Variants in GCN1 observed in about 807,000 individuals in gnomAD.
GCN1 encodes the protein GCN1 activator of EIF2AK4.
GCN1 carries 90 observed loss-of-function variants against 288.4 expected under a neutral mutation model. The observed-to-expected ratio is 0.31, with a 90% CI of 0.26 to 0.37. GCN1 has a LOEUF of 0.37. Among genes scored for constraint, GCN1 ranks in the 10% least tolerant of loss-of-function variants. The pLI is 1.00. For missense variants in GCN1, 2,586 were observed against 3,419.9 expected (o/e 0.76, Z 6.08); for synonymous variants, 1,386 against 1,420.2 (o/e 0.98, Z 0.54).
In GCN1 at chr12:120,148,332, G is replaced by GA. The variant is rs753562529; in HGVS notation, c.4560dup (p.Leu1521SerfsTer10). On this transcript the variant is annotated frameshift_variant, in exon 37 of 58. Coordinates refer to ENST00000300648, the MANE Select transcript of GCN1 (RefSeq NM_006836.2). LOFTEE classifies it high-confidence loss of function. ...GGAGCACAGTACGCCATTGCCCCAA[G>GA]AAGCTCCACTGACCCTGTGGATAGC... The GA allele has an allele frequency of 6.2e-7, 1 of 1,613,508 alleles. No individual in the cohort carries two copies. The highest frequency in any genetic ancestry group is 8.5e-7 in the Non-Finnish European group (1 of 1,179,620).
In GCN1 at chr12:120,175,853, G is replaced by A. The variant is rs758622493; in HGVS notation, c.935C>T (p.Pro312Leu). Residue 312 changes from proline (P) to leucine (L), a missense_variant, in exon 11 of 58, where the codon CCC becomes CTC. Physicochemically the swap from Pro to Leu is moderately conservative, Grantham distance 98. This residue lies in a region of GCN1 where 913 missense variants were observed against 1,107.0 expected (regional missense o/e 0.82). Transcript: ENST00000300648. ...GLAGHLKSNSPRLMDEAVLAL... is the reference protein window; with the variant it reads ...GLAGHLKSNSLRLMDEAVLAL... ...CAGCACAGCTTCATCCATCAGGCGG[G>A]GACTGTTGGATTTCAGGTGACCTGC... is the stretch of plus-strand genomic sequence containing the variant. The A allele has an allele frequency of 9.9e-6, 16 of 1,610,338 alleles. No individual in the cohort carries two copies. In the African/African-American group the frequency reaches 2.1e-4, roughly 22 times the overall value.
rs770975302 is a variant in GCN1, at chr12:120,159,895, A to G, written c.2679T>C (p.Ala893=). ...SFLPLLKSPL[A]APRIKNPFLS... Reference sequence around the variant, plus strand: ...AGAAGGGGTTCTTGATCCTGGGAGCAGCCAGGGGAGACTTCAGCAAGGGCA... The same window carrying G: ...AGAAGGGGTTCTTGATCCTGGGAGCGGCCAGGGGAGACTTCAGCAAGGGCA... Residue 893 remains alanine (A), a synonymous_variant, in exon 24 of 58, where the codon GCT becomes GCC. Transcript: ENST00000300648. The G allele has an allele frequency of 2.7e-5, 44 of 1,614,054 alleles. No homozygotes were observed. Among genetic ancestry groups the G allele is most frequent in the Non-Finnish European group, 3.4e-5 (40 of 1,179,998 alleles).
chr12:120,152,414 ATATATATATATAAATATATATATATTT>A (rs1566305202), intron 33 of GCN1, among the ~76,000 whole-genome samples: 1 of 126,292 alleles, frequency 7.9e-6, no homozygotes, highest in Non-Finnish European at 1.6e-5. Flanking sequence ...CACACACAAA[ATATATATATATAAATATATATATATTT>A]ATATATATAT....
At chr12:120,170,022 T>C (rs946793953) in intron 15 of GCN1, 147 bp downstream of exon 15, 4 of 696,756 alleles carry the variant, frequency 5.7e-6, no homozygotes, top group South Asian at 3.5e-5. Context: ...CATGCAACCA[T>C]GAGGTTCATC....
In GCN1 at chr12:120,145,297, C is replaced by T. The variant is rs1594265462; in HGVS notation, c.4981G>A (p.Gly1661Ser). Reference sequence around the variant, plus strand: ...GGGTCCAAAAGCGATGCTTTCAGGCCAGGCGTCACGCTGGGCAGGTACGGA... The same window carrying T: ...GGGTCCAAAAGCGATGCTTTCAGGCTAGGCGTCACGCTGGGCAGGTACGGA... ...LAPYLPSVTPGLKASLLDPVP... is the reference protein window; with the variant it reads ...LAPYLPSVTPSLKASLLDPVP... Residue 1661 changes from glycine (G) to serine (S), a missense_variant, in exon 39 of 58, where the codon GGC becomes AGC. Coordinates refer to ENST00000300648, the MANE Select transcript of GCN1 (RefSeq NM_006836.2). The T allele has an allele frequency of 6.2e-7, 1 of 1,602,026 alleles. No homozygotes were observed. The highest frequency in any genetic ancestry group is 8.5e-7 in the Non-Finnish European group (1 of 1,174,118).
chr12:120,157,034 A>G, intron 26 of GCN1, 42 bp from the exon 27 acceptor site: 1 of 1,416,810 alleles, frequency 7.1e-7, no homozygotes, highest in South Asian at 1.1e-5. Flanking sequence ...GGCTGTGGGG[A>G]GGTCTGTAAC....
intron 18 of GCN1, among the ~76,000 whole-genome samples, chr12:120,163,520 C>T (rs1878001327): frequency 6.6e-6 from 1 of 152,194 alleles, no homozygotes. Flanking sequence ...GGAGACCCAG[C>T]CTGTGGTGGC....
intron 31 of GCN1, 36 bp downstream of exon 31, chr12:120,154,934 A>C: frequency 6.4e-7 from 1 of 1,572,456 alleles, no homozygotes. Flanking sequence ...CATCTCACAA[A>C]GCTTGGAGTA....
Position 120,153,188 on chromosome 12 carries a change from G to A in GCN1, c.4062+25C>T. ...GGTCCCAATTCTCTAACCGACATGT[G>A]GGTCCCAGGCCAGATGGCAGGTACC... On this transcript the variant is annotated intron_variant, in intron 33 of 57. Coordinates refer to ENST00000300648, the MANE Select transcript of GCN1 (RefSeq NM_006836.2). The surrounding 1 kb of genome is among the most constrained non-coding windows in gnomAD (Gnocchi z 4.4). 1 of 1,603,444 alleles carries A rather than the reference G, an allele frequency of 6.2e-7. No individual in the cohort carries two copies. The highest frequency in any genetic ancestry group is 8.5e-7 in the Non-Finnish European group (1 of 1,170,838).
rs368479026 is a variant in GCN1 at position 120,155,585 on chromosome 12, C to T, written c.3440+7G>A. On this transcript the variant is annotated splice_region_variant and intron_variant, in intron 29 of 57. Coordinates refer to ENST00000300648, the MANE Select transcript of GCN1 (RefSeq NM_006836.2). The surrounding 1 kb of genome is among the most constrained non-coding windows in gnomAD (Gnocchi z 4.9). ...AGCAGGAGAAAGCGACATGCTGGCT[C>T]TCTCACCTCTCAGCCAGCTTCCGGA... 52 of 1,613,888 alleles carry T rather than the reference C, an allele frequency of 3.2e-5. No homozygotes were observed. The highest frequency in any genetic ancestry group is 4.4e-5 in the Non-Finnish European group (52 of 1,179,790).
At chr12:120,166,841 G>A (rs924807587) in intron 16 of GCN1, among the ~76,000 whole-genome samples, 4 of 149,524 alleles carry the variant, frequency 2.7e-5, no homozygotes, top group Admixed American at 6.7e-5. Context: ...TGAAACCCCC[G>A]TCTCTTAAAA....
chr12:120,172,654 C>T (rs920760396), intron 14 of GCN1, among the ~76,000 whole-genome samples: 2 of 152,098 alleles, frequency 1.3e-5, no homozygotes, highest in African/African-American at 4.8e-5. Context: ...GGATTACAAG[C>T]ACCTGTCATC....
At chr12:120,179,016 A>G (rs1878567688) in intron 5 of GCN1, 66 bp from the exon 6 acceptor site, 4 of 1,317,716 alleles carry the variant, frequency 3.0e-6, no homozygotes, top group Admixed American at 1.9e-5. Flanking sequence ...TGGCTCTCAT[A>G]GCCTGTAAAG....
rs775191123 is a variant in GCN1 at position 120,149,727 on chromosome 12, G to C, written c.4432-7C>G. On this transcript the variant is annotated splice_region_variant and splice_polypyrimidine_tract_variant and intron_variant, in intron 35 of 57. Coordinates refer to ENST00000300648, the MANE Select transcript of GCN1 (RefSeq NM_006836.2). ...TGGCACAGTCATCTGCAGCCTCAAG[G>C]GGGGAGAAAACACATTCAGGGGCCT... 26 of 1,610,818 alleles carry C rather than the reference G, an allele frequency of 1.6e-5. No individual in the cohort carries two copies. Among genetic ancestry groups the C allele is most frequent in the African/African-American group, 8.0e-5 (6 of 74,798 alleles).
chr12:120,134,493 G>A lies in GCN1; in HGVS notation c.7202+40C>T, dbSNP rs1876933374. The A allele has an allele frequency of 4.4e-6, 7 of 1,602,654 alleles. No individual in the cohort carries two copies. The highest frequency in any genetic ancestry group is 5.1e-6 in the Non-Finnish European group (6 of 1,170,454). On this transcript the variant is annotated intron_variant, in intron 52 of 57. Transcript: ENST00000300648. The surrounding 1 kb of genome is among the most constrained non-coding windows in gnomAD (Gnocchi z 5.0). ...CAGGCTCGGCCCACAGCAACCCCTG[G>A]CCTCCTGGAGGCCACAGTGCTCCCT...
At chr12:120,139,974 T>C (rs1233725953) in intron 45 of GCN1, among the ~76,000 whole-genome samples, 3 of 152,230 alleles carry the variant, frequency 2.0e-5, no homozygotes, top group Non-Finnish European at 4.4e-5. Context: ...CATGTGGGCC[T>C]TGCCATTGGA....
chr12:120,173,918 C>T (rs757488104), intron 13 of GCN1, 92 bp from the exon 14 acceptor site: 28 of 1,149,490 alleles, frequency 2.4e-5, no homozygotes, highest in African/African-American at 6.1e-5. Context: ...AGAGTACAAG[C>T]GGGAGGAAGC....
At chr12:120,167,013 T>TCAA (rs752979738) in intron 16 of GCN1, among the ~76,000 whole-genome samples, 61 of 149,206 alleles carry the variant, frequency 4.1e-4, no homozygotes, top group Middle Eastern at 7.4e-3. Flanking sequence ...AGATCCTGTC[T>TCAA]CAACAACAAC....
At position 120,158,738 on chromosome 12, in the gene GCN1, C is replaced by T. The variant is rs540295179; in HGVS notation, c.2750-123G>A. ...TTAAAAAAATATTTCTGCGGCTGGGCGCGGTGGCTGATGCCTGTAATCCCA... is the reference window on the plus strand; with the variant it reads ...TTAAAAAAATATTTCTGCGGCTGGGTGCGGTGGCTGATGCCTGTAATCCCA... On this transcript the variant is annotated intron_variant, in intron 24 of 57. Transcript: ENST00000300648. The surrounding 1 kb of genome is among the most constrained non-coding windows in gnomAD (Gnocchi z 4.3). 1.2e-4 allele frequency: 99 copies of T among 850,748 alleles called. No homozygotes were observed. The African/African-American group carries it at 1.4e-3, about 12-fold the overall frequency. The allele number at this position is 850,748 out of a possible 1,614,324, so 52.7% of individuals were successfully genotyped here.
Sources: allele counts gnomAD v4.1 joint callset (sites outside exome capture counted in the v4.1 genomes callset), GRCh38; gene constraint gnomAD v4.1.1; regional missense constraint gnomAD v4.1.1; non-coding constraint Gnocchi (gnomAD v3.1); transcripts MANE v1.5; gene names NCBI Gene and HGNC (gene_info 2026-07-23, HGNC 2026-07-21).